TNRC6B: variants seen among roughly 807,000 people sequenced by gnomAD.
TNRC6B encodes trinucleotide repeat containing adaptor 6B.
In TNRC6B, 52 loss-of-function variants were observed where a neutral mutation model predicts 203.6. The observed-to-expected ratio is 0.26, with a 90% confidence interval of 0.20 to 0.32. The LOEUF is 0.32. TNRC6B is among the 10% of genes least tolerant of loss of function. The pLI is 1.00. For missense variants in TNRC6B, 1,923 were observed against 2,286.2 expected (o/e 0.84, Z 3.24); for synonymous variants, 838 against 845.7 (o/e 0.99, Z 0.16).
At chr22:40,152,046 A>G (rs1004054074) in intron 3 of TNRC6B, among the ~76,000 whole-genome samples, 1 of 152,202 alleles carries the variant, frequency 6.6e-6, no homozygotes, top group African/African-American at 2.4e-5. Context: ...ACCTAGCACC[A>G]GTTCAATAAA....
intron 7 of TNRC6B, 176 bp from the exon 8 acceptor site, chr22:40,276,895 CATAGAT>C (rs1569050412): frequency 2.5e-6 from 1 of 403,806 alleles, no homozygotes; most frequent in African/African-American, 2.1e-5. Context: ...AAAATGAAAA[CATAGAT>C]ATAACTAGGG....
At chr22:40,271,899 GCCTGT>G (rs753446053) in intron 6 of TNRC6B, among the ~76,000 whole-genome samples, 1 of 152,142 alleles carries the variant, frequency 6.6e-6, no homozygotes, top group Non-Finnish European at 1.5e-5. Flanking sequence ...ATCTTCTGTA[GCCTGT>G]CTTAAATTTG....
At chr22:40,304,741 C>G (rs944458299) in intron 15 of TNRC6B, among the ~76,000 whole-genome samples, 4 of 152,270 alleles carry the variant, frequency 2.6e-5, no homozygotes, top group African/African-American at 9.6e-5. Flanking sequence ...GATAAAATTT[C>G]ACTTTTTATG....
chr22:40,077,990 T>C (rs576459109), intron 1 of TNRC6B, among the ~76,000 whole-genome samples: 1 of 152,344 alleles, frequency 6.6e-6, no homozygotes, highest in East Asian at 1.9e-4. Context: ...GTCAACAACA[T>C]TGCAGTGAAT....
chr22:40,108,027 G>A (rs1168248347), intron 1 of TNRC6B, among the ~76,000 whole-genome samples: 2 of 151,882 alleles, frequency 1.3e-5, no homozygotes, highest in Non-Finnish European at 2.9e-5. Context: ...ACCTGGCTAC[G>A]TGGCTGATGT....
rs371661432 is a variant in TNRC6B at position 40,328,139 on chromosome 22, G to A, written c.*4898G>A. ...GATCCCTCAGTCCCCAACCCTGGAC[G>A]TGTTTCATTTACAACATTCATAGGA... On this transcript the variant is annotated 3_prime_UTR_variant, in exon 23 of 23. Transcript: ENST00000454349. 5 of 152,322 alleles carry A rather than the reference G, an allele frequency of 3.3e-5. No individual in the cohort carries two copies. Among genetic ancestry groups the A allele is most frequent in the East Asian group, 1.9e-4 (1 of 5,184 alleles). 9.4% of individuals were successfully genotyped at this position (152,322 alleles called of 1,614,324 possible). A position where few individuals can be genotyped will look rare whatever the true frequency, so the allele number is the denominator to read the frequency against.
Position 40,246,095 on chromosome 22 carries a change from C to T in TNRC6B, c.86C>T (p.Thr29Ile). The stretch of plus-strand genomic sequence containing the variant: ...GAGGATAAAAAGAAAAAAGAAGCCA[C>T]TCAGAAGGTAGGTTTAATCAGTTAA... ...KKEDKKKKEA[T>I]QKVTEQKTKV... The change falls in exon 2 of 23, where the codon ACT becomes ATT. Residue 29 changes from threonine to isoleucine, a missense_variant. Physicochemically the swap from Thr to Ile is moderately conservative, Grantham distance 89. Transcript: ENST00000454349. 1.3e-6 allele frequency: 2 copies of T among 1,548,206 alleles called. No individual in the cohort carries two copies. Among genetic ancestry groups the T allele is most frequent in the Non-Finnish European group, 8.7e-7 (1 of 1,145,574 alleles).
intron 3 of TNRC6B, among the ~76,000 whole-genome samples, chr22:40,127,570 T>C (rs2068504257): frequency 6.6e-6 from 1 of 152,014 alleles, no homozygotes; most frequent in South Asian, 2.1e-4. Context: ...AATTTACTAA[T>C]TGATAGTGAA....
At chr22:40,223,340 C>T (rs899739053) in intron 1 of TNRC6B, among the ~76,000 whole-genome samples, 4 of 152,094 alleles carry the variant, frequency 2.6e-5, no homozygotes, top group Admixed American at 1.3e-4. Flanking sequence ...GGGGTTTCAC[C>T]TTATTGGTCA....
intron 1 of TNRC6B, among the ~76,000 whole-genome samples, chr22:40,202,144 A>T (rs947327907): frequency 6.6e-6 from 1 of 152,146 alleles, no homozygotes; most frequent in African/African-American, 2.4e-5. Context: ...ATTAATTCCT[A>T]CTTCTAGTTG....
chr22:40,140,835 T>G (rs991948377), intron 3 of TNRC6B, among the ~76,000 whole-genome samples: 1 of 152,058 alleles, frequency 6.6e-6, no homozygotes, highest in Non-Finnish European at 1.5e-5. Flanking sequence ...GAGATGGGGT[T>G]TCACCATATT....
At chr22:40,283,513 C>G (rs552064739) in intron 11 of TNRC6B, among the ~76,000 whole-genome samples, 3 of 152,186 alleles carry the variant, frequency 2.0e-5, no homozygotes, top group Non-Finnish European at 4.4e-5. Flanking sequence ...AAGACCAAAT[C>G]TGTATGATTG....
chr22:40,190,349 C>G (rs2069255414), intron 1 of TNRC6B, among the ~76,000 whole-genome samples: 1 of 152,158 alleles, frequency 6.6e-6, no homozygotes, highest in Non-Finnish European at 1.5e-5. Flanking sequence ...TCAAAACTTA[C>G]AGCAAAATTT....
At chr22:40,173,986 T>C (rs1413733167), upstream of TNRC6B, among the ~76,000 whole-genome samples, 3 of 146,542 alleles carry the variant, frequency 2.0e-5, no homozygotes, top group Non-Finnish European at 4.5e-5. Flanking sequence ...GTATTTTGAG[T>C]TGGGTTTTCA....
intron 1 of TNRC6B, among the ~76,000 whole-genome samples, chr22:40,244,616 C>T (rs781709343): frequency 2.0e-5 from 3 of 152,152 alleles, no homozygotes; most frequent in African/African-American, 7.2e-5. Flanking sequence ...TATGATTTTG[C>T]CATGTTTGCA....
intron 12 of TNRC6B, among the ~76,000 whole-genome samples, chr22:40,297,545 C>T (rs1477477474): frequency 6.6e-6 from 1 of 152,134 alleles, no homozygotes; most frequent in African/African-American, 2.4e-5. Context: ...ATTTAAAGGC[C>T]AGGCACGGTG....
Position 40,246,838 on chromosome 22 carries a change from T to TA in TNRC6B, c.93+737dup, listed in dbSNP as rs558326263. 2.0e-3 allele frequency among the ~76,000 whole-genome samples: 306 copies of TA among 152,214 alleles called. 1 individual carries two copies. The highest frequency in any genetic ancestry group is 7.2e-3 in the African/African-American group (299 of 41,548). ...GAGTCTACCTTGGGAGAATTACAAG[T>TA]AGAAACCCCTCTCGGAAAGGATCTA... On this transcript the variant is annotated intron_variant, in intron 2 of 22. Transcript: ENST00000454349.
intron 1 of TNRC6B, among the ~76,000 whole-genome samples, chr22:40,065,487 A>G (rs933886059): frequency 1.3e-5 from 2 of 152,094 alleles, no homozygotes; most frequent in African/African-American, 4.8e-5. Flanking sequence ...TTAGTTTATT[A>G]TAGGCCTATT....
At chr22:40,086,095 T>A (rs1360249459) in intron 1 of TNRC6B, among the ~76,000 whole-genome samples, 1 of 152,162 alleles carries the variant, frequency 6.6e-6, no homozygotes, top group East Asian at 1.9e-4. Context: ...GGTCTTGAGC[T>A]CCTGGGCTCA....
Sources: allele counts gnomAD v4.1 joint callset (sites outside exome capture counted in the v4.1 genomes callset), GRCh38; gene constraint gnomAD v4.1.1; transcripts MANE v1.5; gene names NCBI Gene and HGNC (gene_info 2026-07-23, HGNC 2026-07-21).